The following TGS1 variants were observed in gnomAD, a reference collection of about 807,000 sequenced individuals.
TGS1 encodes the protein trimethylguanosine synthase.
Under a neutral mutation model 92.2 loss-of-function variants are expected in TGS1, and 69 were observed. The ratio of observed to expected loss-of-function variants is 0.75; its 90% CI spans 0.62 to 0.91. The LOEUF (loss-of-function observed/expected upper bound fraction) is 0.91, where lower values mean the gene tolerates loss of function less well. Ranked by LOEUF, TGS1 falls within the 40% of genes least tolerant of loss-of-function variation. TGS1 has a pLI of 0.00. For synonymous variants in TGS1, 345 were observed against 338.1 expected, an observed-to-expected ratio of 1.02 and a Z score of -0.22; for missense variants, 1,062 against 1,001.2, an observed-to-expected ratio of 1.06 and a Z score of -0.82.
At chr8:55,773,847 T>A (rs1811295716) in intron 1 of TGS1, 128 bp downstream of exon 1, 1 of 722,716 alleles carries the variant, frequency 1.4e-6, no homozygotes, top group African/African-American at 1.8e-5. Context: ...ACGGTGATGT[T>A]TAAGAAAAAC....
intron 12 of TGS1, among the ~76,000 whole-genome samples, chr8:55,820,008 A>G (rs1803588596): frequency 6.6e-6 from 1 of 152,176 alleles, no homozygotes; most frequent in South Asian, 2.1e-4. Flanking sequence ...GCCACATAAA[A>G]TGCTCTTTAT....
At chr8:55,776,499 C>T (rs1811404051) in intron 1 of TGS1, among the ~76,000 whole-genome samples, 2 of 152,188 alleles carry the variant, frequency 1.3e-5, no homozygotes, top group Admixed American at 1.3e-4. Context: ...CCAGGATGGT[C>T]TCTGTCTCCT....
chr8:55,776,054 A>G (rs1811385761), intron 1 of TGS1, among the ~76,000 whole-genome samples: 1 of 152,100 alleles, frequency 6.6e-6, no homozygotes, highest in East Asian at 1.9e-4. Flanking sequence ...ACACCAGGTT[A>G]AAGAAGGAAG....
chr8:55,810,153 A>G (rs1279338911), intron 10 of TGS1, among the ~76,000 whole-genome samples: 1 of 152,246 alleles, frequency 6.6e-6, no homozygotes, highest in Non-Finnish European at 1.5e-5. Context: ...TAACGGTTAC[A>G]CTTAGCCCTT....
intron 12 of TGS1, among the ~76,000 whole-genome samples, chr8:55,815,821 A>C (rs1191899520): frequency 3.3e-5 from 5 of 152,074 alleles, no homozygotes; most frequent in African/African-American, 1.2e-4. Context: ...CTTGCTAAGA[A>C]CTGAGTAATT....
At chr8:55,794,270 G>A (rs1811976738) in intron 6 of TGS1, among the ~76,000 whole-genome samples, 1 of 152,020 alleles carries the variant, frequency 6.6e-6, no homozygotes, top group Non-Finnish European at 1.5e-5. Context: ...TACCCAGGCT[G>A]GTCTTAAACT....
chr8:55,786,254 G>A lies in TGS1; in HGVS notation c.356G>A (p.Arg119Lys). The change falls in exon 4 of 13, where the codon AGA becomes AAA. Residue 119 changes from arginine to lysine, a missense_variant. Arg to Lys is a conservative substitution (Grantham distance 26). Coordinates refer to ENST00000260129, the MANE Select transcript of TGS1 (RefSeq NM_024831.8). ...CTGATATAGGTATCTATGAATACTAGAAATAAAGTTAAAATAAAAAAGAAA... is the reference window on the plus strand; with the variant it reads ...CTGATATAGGTATCTATGAATACTAAAAATAAAGTTAAAATAAAAAAGAAA... ...HKDFEVSMNT[R>K]NKVKIKKKKH... 2.1e-6 allele frequency: 3 copies of A among 1,417,822 alleles called. No homozygotes were observed. The highest frequency in any genetic ancestry group is 2.9e-6 in the Non-Finnish European group (3 of 1,043,456). The allele number at this position is 1,417,822 out of a possible 1,614,324, so 87.8% of individuals were successfully genotyped here.
chr8:55,824,552 G>A, intron 12 of TGS1, 29 bp from the exon 13 acceptor site: 2 of 1,613,876 alleles, frequency 1.2e-6, no homozygotes, highest in Non-Finnish European at 1.7e-6. Flanking sequence ...TTAGGTGTGT[G>A]TGTGACTTTC....
At position 55,826,051 on chromosome 8, in the gene TGS1, C is replaced by G. The variant is rs1332684535; in HGVS notation, c.*1348C>G. ...ATTTTTAGTAGCTATGGGGTTTCAC[C>G]GTGTTAGCCAGGATGGTCTCGATCT... On this transcript the variant is annotated 3_prime_UTR_variant, in exon 13 of 13. Coordinates refer to ENST00000260129, the MANE Select transcript of TGS1 (RefSeq NM_024831.8). Among the ~76,000 whole-genome samples the G allele has an allele frequency of 6.6e-6, 1 of 151,678 alleles. No homozygotes were observed. The highest frequency in any genetic ancestry group is 2.4e-5 in the African/African-American group (1 of 41,206).
chr8:55,782,866 G>T, intron 2 of TGS1, 54 bp downstream of exon 2: 1 of 1,116,450 alleles, frequency 9.0e-7, no homozygotes, highest in East Asian at 2.4e-5. Flanking sequence ...GCCATAATGT[G>T]TTAATTTATG....
chr8:55,819,225 C>A (rs777133489), intron 12 of TGS1, among the ~76,000 whole-genome samples: 3 of 149,994 alleles, frequency 2.0e-5, no homozygotes, highest in Non-Finnish European at 4.4e-5. Flanking sequence ...CATGAGCCAC[C>A]GTGCCCGGCC....
At position 55,792,860 on chromosome 8, in the gene TGS1, A is replaced by G. The variant is rs1238409081; in HGVS notation, c.1367+76A>G. On this transcript the variant is annotated intron_variant, in intron 6 of 12. Coordinates refer to ENST00000260129, the MANE Select transcript of TGS1 (RefSeq NM_024831.8). The stretch of plus-strand genomic sequence containing the variant: ...TATCTTAGAGCACTCTGATACTCAG[A>G]TAACTAATAAATGATCATGTGTTGA... 4.5e-6 allele frequency: 4 copies of G among 895,476 alleles called. No individual in the cohort carries two copies. In the East Asian group the frequency reaches 9.8e-5, roughly 22 times the overall value. The allele number at this position is 895,476 out of a possible 1,614,324, so 55.5% of individuals were successfully genotyped here.
At chr8:55,799,903 T>TTG (rs1349537312) in intron 8 of TGS1, among the ~76,000 whole-genome samples, 1 of 151,936 alleles carries the variant, frequency 6.6e-6, no homozygotes, top group South Asian at 2.1e-4. Flanking sequence ...TTTTGTGTGT[T>TTG]TGTGTGTGTG....
At chr8:55,789,571 A>G (rs1811817459) in intron 4 of TGS1, among the ~76,000 whole-genome samples, 1 of 152,316 alleles carries the variant, frequency 6.6e-6, no homozygotes, top group East Asian at 1.9e-4. Flanking sequence ...GATCATGAAC[A>G]TTTTTAAACC....
At chr8:55,814,419 C>T (rs1298388562) in intron 12 of TGS1, among the ~76,000 whole-genome samples, 1 of 152,012 alleles carries the variant, frequency 6.6e-6, no homozygotes, top group East Asian at 1.9e-4. Context: ...CAAGCCTGAG[C>T]TCTTATTGTT....
chr8:55,780,973 GT>G (rs530806107), intron 1 of TGS1, among the ~76,000 whole-genome samples: 414 of 152,248 alleles, frequency 2.7e-3, no homozygotes, highest in Admixed American at 8.6e-3. Flanking sequence ...GATGACCCAG[GT>G]TTATCTTTTA....
chr8:55,784,008 T>C (rs1010263232), intron 2 of TGS1, among the ~76,000 whole-genome samples: 11 of 152,238 alleles, frequency 7.2e-5, no homozygotes, highest in African/African-American at 1.2e-4. Context: ...CTTCATTATT[T>C]AGAAAGGTAT....
At chr8:55,812,162 G>A (rs1405104203) in intron 11 of TGS1, among the ~76,000 whole-genome samples, 1 of 151,762 alleles carries the variant, frequency 6.6e-6, no homozygotes, top group African/African-American at 2.4e-5. Context: ...TGTCACTTTC[G>A]CCACCTGCCT....
intron 9 of TGS1, 65 bp downstream of exon 9, chr8:55,802,671 A>C: frequency 6.8e-7 from 1 of 1,473,318 alleles, no homozygotes; most frequent in Non-Finnish European, 9.2e-7. Flanking sequence ...AGAAAGTTAT[A>C]AGAATAATAC....
Sources: allele counts gnomAD v4.1 joint callset (sites outside exome capture counted in the v4.1 genomes callset), GRCh38; gene constraint gnomAD v4.1.1; transcripts MANE v1.5; gene names NCBI Gene and HGNC (gene_info 2026-07-23, HGNC 2026-07-21).